UNC5B: variants seen among roughly 807,000 people sequenced by gnomAD.
UNC5B encodes the protein netrin receptor UNC5B.
A neutral mutation model predicts 103.7 loss-of-function variants in UNC5B; 56 were observed. The ratio of observed to expected loss-of-function variants is 0.54; its 90% CI spans 0.44 to 0.67. The LOEUF (loss-of-function observed/expected upper bound fraction) is 0.67, where lower values mean the gene tolerates loss of function less well. Among genes scored for constraint, UNC5B ranks in the 30% least tolerant of loss-of-function variants. UNC5B has a pLI of 0.00. For missense variants in UNC5B, 1,194 were observed against 1,284.5 expected, an observed-to-expected ratio of 0.93 and a Z score of 1.08; for synonymous variants, 577 against 542.0, an observed-to-expected ratio of 1.06 and a Z score of -0.90.
chr10:71,292,413 A>G, intron 10 of UNC5B, 54 bp from the exon 11 acceptor site: 3 of 1,495,852 alleles, frequency 2.0e-6, no homozygotes, highest in Non-Finnish European at 2.7e-6. Flanking sequence ...CAACTTCCCA[A>G]ACACTTGTTC....
intron 1 of UNC5B, among the ~76,000 whole-genome samples, chr10:71,271,007 C>G (rs1449097035): frequency 1.3e-5 from 2 of 152,274 alleles, no homozygotes; most frequent in Non-Finnish European, 2.9e-5. Flanking sequence ...ATGTGTGTGT[C>G]TGAGGGGGCT....
At chr10:71,266,915 C>T (rs567037209) in intron 1 of UNC5B, among the ~76,000 whole-genome samples, 1 of 152,234 alleles carries the variant, frequency 6.6e-6, no homozygotes, top group East Asian at 1.9e-4. Context: ...CTCCATCCTG[C>T]CCAGGATGTG....
chr10:71,293,733 A>C lies in UNC5B; in HGVS notation c.1975A>C (p.Thr659Pro). 1 of 1,590,944 alleles carries C rather than the reference A, an allele frequency of 6.3e-7. No homozygotes were observed. Among genetic ancestry groups the C allele is most frequent in the Non-Finnish European group, 8.6e-7 (1 of 1,168,420 alleles). ...GACCCTGGATGAGGAGACCCTGAAC[A>C]CACCCTGCTACTGCCAGCTGGAGCC... is the stretch of plus-strand genomic sequence containing the variant. ...VVTLDEETLNTPCYCQLEPRA... is the reference protein window; with the variant it reads ...VVTLDEETLNPPCYCQLEPRA... Residue 659 changes from threonine (T) to proline (P), a missense_variant, in exon 13 of 17, where the codon ACA becomes CCA. Physicochemically the swap from Thr to Pro is conservative, Grantham distance 38 (BLOSUM62 -1). Transcript: ENST00000335350.
intron 1 of UNC5B, among the ~76,000 whole-genome samples, chr10:71,252,502 A>G (rs1173846952): frequency 1.3e-5 from 2 of 152,230 alleles, no homozygotes; most frequent in Non-Finnish European, 2.9e-5. Flanking sequence ...TGCATTGTAC[A>G]AAAGAGGAAA....
chr10:71,222,792 A>G (rs891274999), intron 1 of UNC5B, among the ~76,000 whole-genome samples: 10 of 152,250 alleles, frequency 6.6e-5, no homozygotes, highest in Non-Finnish European at 1.3e-4. Flanking sequence ...AGAGGCCCCA[A>G]GCGGCATCTG....
At chr10:71,276,626 G>GT (rs1416334875) in intron 1 of UNC5B, among the ~76,000 whole-genome samples, 1 of 152,202 alleles carries the variant, frequency 6.6e-6, no homozygotes, top group Non-Finnish European at 1.5e-5. Context: ...TAGAGATGGG[G>GT]TTCCACCGCG....
In UNC5B at chr10:71,213,457, C is replaced by T. The variant is rs528235483; in HGVS notation, c.79+393C>T. Among the ~76,000 whole-genome samples the T allele has an allele frequency of 1.8e-3, 274 of 152,232 alleles. 2 individuals are homozygous for T. Among genetic ancestry groups the T allele is most frequent in the African/African-American group, 6.3e-3 (262 of 41,542 alleles). ...AGCAAGGTGTGCGCTCGCTGCCGTACGCCGGTAACTTACTAGTCTGGTCCC... is the reference window on the plus strand; with the variant it reads ...AGCAAGGTGTGCGCTCGCTGCCGTATGCCGGTAACTTACTAGTCTGGTCCC... On this transcript the variant is annotated intron_variant, in intron 1 of 16. Transcript: ENST00000335350. This position sits in a 1 kb window ranked among gnomAD's most constrained non-coding sequence, Gnocchi z 4.1.
At chr10:71,253,047 C>T (rs1331681011) in intron 1 of UNC5B, among the ~76,000 whole-genome samples, 1 of 152,226 alleles carries the variant, frequency 6.6e-6, no homozygotes, top group African/African-American at 2.4e-5. Flanking sequence ...AGGCATTTCC[C>T]TCCATCCCTC....
chr10:71,289,809 A>G (rs888659270), intron 8 of UNC5B, among the ~76,000 whole-genome samples: 3 of 152,190 alleles, frequency 2.0e-5, no homozygotes, highest in African/African-American at 4.8e-5. Flanking sequence ...AGGGCTGCTG[A>G]GGAGAGATAC....
chr10:71,260,964 T>C (rs1844405349), intron 1 of UNC5B, among the ~76,000 whole-genome samples: 1 of 152,194 alleles, frequency 6.6e-6, no homozygotes, highest in Admixed American at 6.5e-5. Flanking sequence ...CCGCAGCCCT[T>C]ACGAAAGCCA....
In UNC5B at chr10:71,212,781, G is replaced by A; in HGVS notation, c.-205G>A. 1 of 367,874 alleles carries A rather than the reference G, an allele frequency of 2.7e-6. No homozygotes were observed. Among genetic ancestry groups the A allele is most frequent in the Admixed American group, 4.7e-5 (1 of 21,446 alleles). 22.8% of individuals were successfully genotyped at this position (367,874 alleles called of 1,614,324 possible). A position where few individuals can be genotyped will look rare whatever the true frequency, so the allele number is the denominator to read the frequency against. On this transcript the variant is annotated 5_prime_UTR_variant, in exon 1 of 17. Coordinates refer to ENST00000335350, the MANE Select transcript of UNC5B (RefSeq NM_170744.5). ...GCGCCGGAGCCTCGTTCGAGAGCCG[G>A]CGCCAGGCACCCACCGCGCTCCGAG...
At chr10:71,256,167 C>T (rs1002868202) in intron 1 of UNC5B, among the ~76,000 whole-genome samples, 1 of 152,178 alleles carries the variant, frequency 6.6e-6, no homozygotes, top group African/African-American at 2.4e-5. Context: ...GGTGACATTG[C>T]ACATGGAGCT....
intron 1 of UNC5B, among the ~76,000 whole-genome samples, chr10:71,271,769 C>T (rs141713918): frequency 3.5e-4 from 53 of 152,360 alleles, no homozygotes; most frequent in African/African-American, 1.3e-3. Flanking sequence ...ACACCCCCTT[C>T]AGGATGCAGG....
intron 16 of UNC5B, 47 bp from the exon 17 acceptor site, chr10:71,299,065 A>T (rs761190513): frequency 4.4e-6 from 7 of 1,607,172 alleles, no homozygotes; most frequent in South Asian, 1.1e-5. Context: ...GGCTCCGGGG[A>T]GGGGCTAAGT....
chr10:71,285,106 T>C (rs1845036829), intron 3 of UNC5B, among the ~76,000 whole-genome samples: 1 of 152,190 alleles, frequency 6.6e-6, no homozygotes, highest in Admixed American at 6.5e-5. Context: ...CCTGAGCCAC[T>C]ATATGCTTAG....
chr10:71,228,227 A>G (rs1843612945), intron 1 of UNC5B, among the ~76,000 whole-genome samples: 1 of 152,246 alleles, frequency 6.6e-6, no homozygotes, highest in South Asian at 2.1e-4. Context: ...TTTGGGATCT[A>G]GATGTAAACA....
At chr10:71,291,385 G>C (rs1845250308) in intron 9 of UNC5B, 47 bp from the exon 10 acceptor site, 1 of 1,539,052 alleles carries the variant, frequency 6.5e-7, no homozygotes, top group African/African-American at 1.4e-5. Flanking sequence ...AGCTGGGCCA[G>C]TGAGCTGAGG....
chr10:71,263,789 G>C (rs1359397463), intron 1 of UNC5B, among the ~76,000 whole-genome samples: 1 of 152,284 alleles, frequency 6.6e-6, no homozygotes, highest in East Asian at 1.9e-4. Flanking sequence ...TCTCCCAGGG[G>C]CTGGGCTAGC....
intron 1 of UNC5B, among the ~76,000 whole-genome samples, chr10:71,241,950 A>G (rs1843911188): frequency 6.6e-6 from 1 of 152,144 alleles, no homozygotes. Flanking sequence ...GCCTAGAGTC[A>G]CCACAGAAGG....
Sources: gnomAD v4.1 joint callset for allele counts (sites outside exome capture counted in the v4.1 genomes callset) on GRCh38, gnomAD v4.1.1 for gene constraint, Gnocchi (gnomAD v3.1) non-coding constraint, MANE v1.5 for transcripts, NCBI Gene and HGNC (gene_info 2026-07-23, HGNC 2026-07-21) for gene names.